Variants in PIP5K1B observed in about 807,000 individuals in gnomAD.
PIP5K1B encodes phosphatidylinositol 4-phosphate 5-kinase type-1 beta.
Under a neutral mutation model 67.0 loss-of-function variants are expected in PIP5K1B, and 42 were observed. That is an observed-to-expected ratio of 0.63 (90% CI 0.49 to 0.81). The LOEUF (loss-of-function observed/expected upper bound fraction) is 0.81, where lower values mean the gene tolerates loss of function less well. Ranked by LOEUF, PIP5K1B falls within the 30% of genes least tolerant of loss-of-function variation. The pLI, the probability that PIP5K1B is intolerant of heterozygous loss-of-function variation, is 0.00. For synonymous variants in PIP5K1B, 214 were observed against 231.4 expected (o/e 0.92, Z 0.68); for missense variants, 459 against 646.3 (o/e 0.71, Z 3.14).
chr9:68,828,993 T>C (rs569426270), intron 4 of PIP5K1B, among the ~76,000 whole-genome samples: 1 of 152,318 alleles, frequency 6.6e-6, no homozygotes, highest in South Asian at 2.1e-4. Context: ...TCCCAGCTGC[T>C]TGGGAGGCTG....
intron 2 of PIP5K1B, among the ~76,000 whole-genome samples, chr9:68,762,867 G>T (rs1281238373): frequency 6.6e-6 from 1 of 152,068 alleles, no homozygotes; most frequent in Non-Finnish European, 1.5e-5. Flanking sequence ...CTCCCATACT[G>T]TACAACTCCA....
intron 2 of PIP5K1B, among the ~76,000 whole-genome samples, chr9:68,744,465 G>A (rs774360286): frequency 2.5e-4 from 38 of 152,208 alleles, no homozygotes; most frequent in Non-Finnish European, 5.0e-4. Context: ...TAATTTGCCA[G>A]ATATTTAAAA....
chr9:68,926,326 G>A (rs1387150991), intron 12 of PIP5K1B, among the ~76,000 whole-genome samples: 2 of 151,968 alleles, frequency 1.3e-5, no homozygotes, highest in Admixed American at 1.3e-4. Context: ...ATAAAATATG[G>A]CATGTGTCGC....
intron 1 of PIP5K1B, chr9:68,741,691 T>C (rs1251114001): frequency 1.3e-5 from 2 of 152,232 alleles, no homozygotes; most frequent in African/African-American, 2.4e-5. Context: ...AAGGGAAACT[T>C]GGTAACCAAG....
At chr9:68,936,578 T>TTTCCTCAGAGTCTTTTCCTTTCC (rs1437409466) in intron 13 of PIP5K1B, among the ~76,000 whole-genome samples, 15 of 152,332 alleles carry the variant, frequency 9.8e-5, no homozygotes, top group African/African-American at 3.4e-4. Context: ...TCTAGGGGTT[T>TTTCCTCAGAGTCTTTTCCTTTCC]TCTTTTCCTC....
intron 2 of PIP5K1B, chr9:68,786,038 A>C (rs1831595484): frequency 6.6e-6 from 1 of 152,196 alleles, no homozygotes; most frequent in African/African-American, 2.4e-5. Flanking sequence ...CCTTCTAGAA[A>C]TCAGAAATAC....
chr9:68,935,011 T>G lies in PIP5K1B; in HGVS notation c.1323T>G (p.Thr441=). Residue 441 remains threonine, a synonymous_variant, in exon 13 of 16, where the codon ACT becomes ACG. Coordinates refer to ENST00000265382, the MANE Select transcript of PIP5K1B (RefSeq NM_003558.4). ...AGGATGAGAAGCGGGATTTGCTGAC[T>G]GAAGGACAAAGTTTTAGCAGCCTTG... The part of the protein sequence containing the change: ...EWKDEKRDLL[T]EGQSFSSLDE... The G allele has an allele frequency of 6.2e-7, 1 of 1,613,752 alleles. No individual in the cohort carries two copies. Among genetic ancestry groups the G allele is most frequent in the South Asian group, 1.1e-5 (1 of 91,052 alleles).
intron 1 of PIP5K1B, among the ~76,000 whole-genome samples, chr9:68,721,906 GTTTTC>G (rs2132264300): frequency 6.6e-6 from 1 of 152,228 alleles, no homozygotes; most frequent in South Asian, 2.1e-4. Context: ...TCATTCCGTT[GTTTTC>G]TTTTCTCTGT....
chr9:68,742,758 G>A (rs1209378555), intron 2 of PIP5K1B, 101 bp downstream of exon 2: 1 of 152,240 alleles, frequency 6.6e-6, no homozygotes, highest in African/African-American at 2.4e-5. Flanking sequence ...GATCTTTGCT[G>A]TTTCTGAGTG....
intron 4 of PIP5K1B, among the ~76,000 whole-genome samples, chr9:68,846,321 C>T (rs1396459137): frequency 6.6e-6 from 1 of 152,150 alleles, no homozygotes; most frequent in Non-Finnish European, 1.5e-5. Flanking sequence ...CTACAAAGCA[C>T]ATGGTACTGT....
At chr9:68,993,414 A>T (rs1466915408) in intron 15 of PIP5K1B, among the ~76,000 whole-genome samples, 1 of 152,118 alleles carries the variant, frequency 6.6e-6, no homozygotes, top group African/African-American at 2.4e-5. Flanking sequence ...CCTCTTTTTC[A>T]GATAGGCTTT....
intron 14 of PIP5K1B, among the ~76,000 whole-genome samples, chr9:68,990,897 C>T (rs1970937): frequency 0.028 from 4,264 of 152,062 alleles, 273 homozygotes; most frequent in East Asian, 0.2. Context: ...CTCTTGACCT[C>T]GTGATCCGCC....
At chr9:68,722,255 G>T (rs1587341208) in intron 1 of PIP5K1B, among the ~76,000 whole-genome samples, 1 of 152,006 alleles carries the variant, frequency 6.6e-6, no homozygotes, top group Non-Finnish European at 1.5e-5. Context: ...ACCCAGGCTG[G>T]AGTGCAGTGG....
chr9:68,796,107 T>A (rs964889584), intron 2 of PIP5K1B, among the ~76,000 whole-genome samples: 2 of 152,228 alleles, frequency 1.3e-5, no homozygotes, highest in Non-Finnish European at 2.9e-5. Context: ...TGTCTAAATA[T>A]GTATATGTGA....
In PIP5K1B at chr9:68,865,742, A is replaced by G. The variant is rs1056305479; in HGVS notation, c.200+1775A>G. 2.6e-5 allele frequency among the ~76,000 whole-genome samples: 4 copies of G among 152,238 alleles called. No homozygotes were observed. The East Asian group carries it at 5.8e-4, about 22-fold the overall frequency. ...CTGGCACACCTGGAACTTGCTAGAC[A>G]TGCAGATTCTTGGGCTCCACCCAGA... On this transcript the variant is annotated intron_variant, in intron 5 of 15. Coordinates refer to ENST00000265382, the MANE Select transcript of PIP5K1B (RefSeq NM_003558.4).
chr9:68,766,222 G>A (rs1179915408), intron 2 of PIP5K1B, among the ~76,000 whole-genome samples: 1 of 152,042 alleles, frequency 6.6e-6, no homozygotes, highest in Non-Finnish European at 1.5e-5. Context: ...GGCTACCACT[G>A]GATAATGGAT....
chr9:68,982,529 G>C (rs1587757637), intron 14 of PIP5K1B, among the ~76,000 whole-genome samples: 1 of 152,166 alleles, frequency 6.6e-6, no homozygotes, highest in African/African-American at 2.4e-5. Flanking sequence ...GGCTGAGGTG[G>C]GTGGATCGCC....
intron 2 of PIP5K1B, among the ~76,000 whole-genome samples, chr9:68,775,220 G>A (rs916117399): frequency 1.3e-5 from 2 of 152,072 alleles, no homozygotes; most frequent in Non-Finnish European, 2.9e-5. Context: ...CACTGTCACC[G>A]TAACTTCTGC....
chr9:68,828,998 A>G (rs1213491238), intron 4 of PIP5K1B, among the ~76,000 whole-genome samples: 1 of 152,244 alleles, frequency 6.6e-6, no homozygotes, highest in African/African-American at 2.4e-5. Flanking sequence ...GCTGCTTGGG[A>G]GGCTGACACA....
Sources: allele counts gnomAD v4.1 joint callset (sites outside exome capture counted in the v4.1 genomes callset), GRCh38; gene constraint gnomAD v4.1.1; transcripts MANE v1.5; gene names NCBI Gene and HGNC (gene_info 2026-07-23, HGNC 2026-07-21).